Variants in RSPH14 observed in about 807,000 individuals in gnomAD.
RSPH14 encodes the protein rhabdoid tumor deletion region gene 1.
Under a neutral mutation model 26.7 loss-of-function variants are expected in RSPH14, and 20 were observed. The observed-to-expected ratio is 0.75, with a 90% confidence interval of 0.53 to 1.09. The LOEUF (loss-of-function observed/expected upper bound fraction) is 1.09. Among genes scored for constraint, RSPH14 ranks in the 50% least tolerant of loss-of-function variants. The pLI is 0.00. For missense variants in RSPH14, 449 were observed against 457.2 expected (o/e 0.98, Z 0.16); for synonymous variants, 177 against 189.3 (o/e 0.93, Z 0.53).
the RSPH14 span, chr22:23,150,031 G>A: frequency 5.2e-6 from 8 of 1,537,000 alleles, no homozygotes; most frequent in African/African-American, 1.1e-4. Context: ...AGCTTTGCAG[G>A]ATGATGTGTC....
the RSPH14 span, among the ~76,000 whole-genome samples, chr22:23,155,109 G>A: frequency 3.3e-5 from 5 of 152,110 alleles, no homozygotes; most frequent in Non-Finnish European, 5.9e-5. Context: ...TGGGCAATAA[G>A]AGCGAAACTC....
chr22:23,060,556 CT>C (rs2068073948), intron 6 of RSPH14, among the ~76,000 whole-genome samples: 1 of 152,198 alleles, frequency 6.6e-6, no homozygotes, highest in African/African-American at 2.4e-5. Flanking sequence ...CACATGGTTC[CT>C]GAGAGATGCC....
chr22:23,075,826 G>A (rs1042905691), intron 4 of RSPH14, among the ~76,000 whole-genome samples: 1 of 152,196 alleles, frequency 6.6e-6, no homozygotes, highest in South Asian at 2.1e-4. Context: ...AGAGCTGCCA[G>A]GACAGAGGTC....
At chr22:23,134,418 TATC>T (rs1345754100) in intron 3 of RSPH14, among the ~76,000 whole-genome samples, 2 of 152,098 alleles carry the variant, frequency 1.3e-5, no homozygotes, top group Non-Finnish European at 2.9e-5. Context: ...TGCTTGTTGT[TATC>T]ATTATATAAG....
At chr22:23,083,657 G>A (rs2068737664) in intron 4 of RSPH14, among the ~76,000 whole-genome samples, 1 of 152,150 alleles carries the variant, frequency 6.6e-6, no homozygotes, top group South Asian at 2.1e-4. Context: ...GCGAAGGTGG[G>A]AGGAGGGGAT....
In RSPH14 at chr22:23,069,180, C is replaced by T. The variant is rs1350189995; in HGVS notation, c.422-5047G>A. Among the ~76,000 whole-genome samples, 4 of 152,212 alleles carry T rather than the reference C, an allele frequency of 2.6e-5. 1 individual carries two copies. In the East Asian group the frequency reaches 7.7e-4, roughly 29 times the overall value. ...AGCCAGGCACATGCCCCTGCCCCTC[C>T]ACCACAGAGCTATGATGGAGAGACC... On this transcript the variant is annotated intron_variant, in intron 4 of 6. Coordinates refer to ENST00000216036, the MANE Select transcript of RSPH14 (RefSeq NM_014433.3).
the RSPH14 span, chr22:23,153,242 C>G: frequency 1.2e-6 from 1 of 834,508 alleles, no homozygotes; most frequent in South Asian, 1.5e-5. Context: ...CTAGTCTAGA[C>G]AAGCAGAGCC....
At chr22:23,115,273 T>A (rs1033917549) in intron 4 of RSPH14, among the ~76,000 whole-genome samples, 3 of 152,192 alleles carry the variant, frequency 2.0e-5, no homozygotes, top group Non-Finnish European at 4.4e-5. Context: ...CTGAGGTATG[T>A]GACAAGGCTC....
At chr22:23,123,052 G>A (rs980451854) in intron 4 of RSPH14, 34 of 1,403,788 alleles carry the variant, frequency 2.4e-5, no homozygotes, top group Non-Finnish European at 3.2e-5. Context: ...TGCCTGCTGC[G>A]GGCCTGATTA....
intron 4 of RSPH14, among the ~76,000 whole-genome samples, chr22:23,066,887 C>CG (rs1200350321): frequency 9.2e-5 from 14 of 152,138 alleles, no homozygotes; most frequent in African/African-American, 3.1e-4. Context: ...ACCCCACCCC[C>CG]GGGAAGTGGG....
intron 4 of RSPH14, among the ~76,000 whole-genome samples, chr22:23,074,843 G>A (rs2068472303): frequency 6.6e-6 from 1 of 152,124 alleles, no homozygotes; most frequent in African/African-American, 2.4e-5. Context: ...TGCAGGCACA[G>A]CTGGCCACAT....
chr22:23,143,742 C>T (rs188902549), upstream of RSPH14, among the ~76,000 whole-genome samples: 8 of 152,330 alleles, frequency 5.3e-5, no homozygotes, highest in African/African-American at 1.9e-4. Context: ...TCTTGCTAAT[C>T]TGCCCAGTGT....
At chr22:23,065,567 A>G (rs2146216925) in intron 4 of RSPH14, among the ~76,000 whole-genome samples, 1 of 123,806 alleles carries the variant, frequency 8.1e-6, no homozygotes, top group African/African-American at 3.1e-5. Flanking sequence ...AAAAAAGCCT[A>G]GGTCTCATTT....
In RSPH14 at chr22:23,099,656, C is replaced by T. The variant is rs528493018; in HGVS notation, c.421+34370G>A. 1.0e-3 allele frequency among the ~76,000 whole-genome samples: 159 copies of T among 152,336 alleles called. 3 individuals carry two copies. The South Asian group carries it at 0.022, about 21-fold the overall frequency. On this transcript the variant is annotated intron_variant, in intron 4 of 6. Transcript: ENST00000216036. ...CCTGAGAGGCCATGTGTCACAGGAC[C>T]CACCACGGGCCTCCCACTTAGCCAG...
intron 6 of RSPH14, among the ~76,000 whole-genome samples, chr22:23,061,598 G>T (rs1400883690): frequency 1.3e-5 from 2 of 152,152 alleles, no homozygotes; most frequent in African/African-American, 4.8e-5. Flanking sequence ...GTGAGTGACT[G>T]GTGAGGGGCC....
chr22:23,124,998 T>G (rs1034022368), intron 4 of RSPH14: 1 of 152,244 alleles, frequency 6.6e-6, no homozygotes, highest in Non-Finnish European at 1.5e-5. Flanking sequence ...AGTCAAAGGT[T>G]GTCTACTTTA....
chr22:23,108,233 C>T (rs958037912), intron 4 of RSPH14, among the ~76,000 whole-genome samples: 1 of 152,248 alleles, frequency 6.6e-6, no homozygotes, highest in African/African-American at 2.4e-5. Flanking sequence ...CCATCCACCC[C>T]GTGCTGGGCA....
At chr22:23,096,601 T>C (rs1040851422) in intron 4 of RSPH14, among the ~76,000 whole-genome samples, 13 of 151,728 alleles carry the variant, frequency 8.6e-5, no homozygotes, top group Non-Finnish European at 1.2e-4. Context: ...GGGTGTGGAG[T>C]GCAGGTGTCA....
chr22:23,178,206 G>A, the RSPH14 span, among the ~76,000 whole-genome samples: 1 of 152,204 alleles, frequency 6.6e-6, no homozygotes, highest in Non-Finnish European at 1.5e-5. Flanking sequence ...CACGAGGTCA[G>A]GAGTTCAAGA....
Sources: gnomAD v4.1 joint callset for allele counts (sites outside exome capture counted in the v4.1 genomes callset) on GRCh38, gnomAD v4.1.1 for gene constraint, MANE v1.5 for transcripts, NCBI Gene and HGNC (gene_info 2026-07-23, HGNC 2026-07-21) for gene names.